The following SESN2 variants were observed in gnomAD, a reference collection of about 807,000 sequenced individuals.
The protein encoded by SESN2 is sestrin-2.
Under a neutral mutation model 56.0 loss-of-function variants are expected in SESN2, and 42 were observed. That is an observed-to-expected ratio of 0.75 (90% CI 0.59 to 0.97). The LOEUF is 0.97. SESN2 is among the 50% of genes least tolerant of loss of function. The probability of loss-of-function intolerance (pLI) is 0.00; values close to 1 mark genes in which losing one functional copy is unlikely to be tolerated. For missense variants in SESN2, 507 were observed against 649.4 expected (o/e 0.78, Z 2.38); for synonymous variants, 264 against 267.1 (o/e 0.99, Z 0.11).
rs1344858238 is a variant in SESN2, at chr1:28,259,742, G to A, written c.-106G>A. The A allele has an allele frequency of 2.7e-5, 23 of 839,350 alleles. No homozygotes were observed. The highest frequency in any genetic ancestry group is 3.9e-5 in the Non-Finnish European group (23 of 590,776). The allele number at this position is 839,350 out of a possible 1,614,324, so 52.0% of individuals were successfully genotyped here. ...CCCCGAGAGACGCCCCGGGGTTCTAGAAGCTCCCCGGCGGCGCCCAGTCCC... is the reference window on the plus strand; with the variant it reads ...CCCCGAGAGACGCCCCGGGGTTCTAAAAGCTCCCCGGCGGCGCCCAGTCCC... On this transcript the variant is annotated 5_prime_UTR_variant, in exon 1 of 10. Coordinates refer to ENST00000253063, the MANE Select transcript of SESN2 (RefSeq NM_031459.5).
Position 28,282,096 on chromosome 1 carries a change from T to C in SESN2, c.*1294T>C, listed in dbSNP as rs1177640903. ...AAGGACCGATTCCAGGCACTTTCTG[T>C]AGCAAATGACTGTGAATTACGACTT... On this transcript the variant is annotated 3_prime_UTR_variant, in exon 10 of 10. Coordinates refer to ENST00000253063, the MANE Select transcript of SESN2 (RefSeq NM_031459.5). 6.6e-6 allele frequency: 1 copy of C among 152,280 alleles called. No individual in the cohort carries two copies. The highest frequency in any genetic ancestry group is 2.4e-5 in the African/African-American group (1 of 41,458). The allele number at this position is 152,280 out of a possible 1,614,324, so 9.4% of individuals were successfully genotyped here.
rs374292473 is a variant in SESN2 at position 28,274,141 on chromosome 1, C to A, written c.1003C>A (p.Pro335Thr). 1 of 1,612,580 alleles carries A rather than the reference C, an allele frequency of 6.2e-7. No homozygotes were observed. ...CACTCGGAGAGGGGCTCAGGCACCCCCTACCTTCCGGGCCCAGGTAGGGCT... is the reference window on the plus strand; with the variant it reads ...CACTCGGAGAGGGGCTCAGGCACCCACTACCTTCCGGGCCCAGGTAGGGCT... ...DFTRRGAQAPPTFRAQDYTWE... is the reference protein window; with the variant it reads ...DFTRRGAQAPTTFRAQDYTWE... The change falls in exon 7 of 10, where the codon CCT (proline) becomes ACT (threonine). Residue 335 changes from proline to threonine, a missense_variant. Pro to Thr is a conservative substitution (Grantham distance 38, BLOSUM62 -1). Coordinates refer to ENST00000253063, the MANE Select transcript of SESN2 (RefSeq NM_031459.5).
intron 1 of SESN2, among the ~76,000 whole-genome samples, chr1:28,265,043 A>G (rs1344962656): frequency 6.6e-6 from 1 of 152,178 alleles, no homozygotes; most frequent in African/African-American, 2.4e-5. Context: ...GCCAGAAGTG[A>G]GTTGACCTCT....
chr1:28,275,214 C>G (rs1320658191), intron 8 of SESN2, among the ~76,000 whole-genome samples, 199 bp downstream of exon 8: 1 of 152,018 alleles, frequency 6.6e-6, no homozygotes, highest in Non-Finnish European at 1.5e-5. Context: ...ATTGCACTCC[C>G]AGAGATAATT....
chr1:28,274,755 C>T lies in SESN2; in HGVS notation c.1021-70C>T. ...AGGAGAATCATGGAGATCCCAGGTCCAGAGGATGGGGGTCTCTCTGGCTGG... is the reference window on the plus strand; with the variant it reads ...AGGAGAATCATGGAGATCCCAGGTCTAGAGGATGGGGGTCTCTCTGGCTGG... On this transcript the variant is annotated intron_variant, in intron 7 of 9. Transcript: ENST00000253063. 2.4e-6 allele frequency: 3 copies of T among 1,235,402 alleles called. No individual in the cohort carries two copies. The East Asian group carries it at 7.0e-5, about 29-fold the overall frequency. The allele number at this position is 1,235,402 out of a possible 1,614,324, so 76.5% of individuals were successfully genotyped here. A position where few individuals can be genotyped will look rare whatever the true frequency, so the allele number is the denominator to read the frequency against.
At chr1:28,278,863 G>A (rs1018725959) in intron 8 of SESN2, among the ~76,000 whole-genome samples, 1 of 152,328 alleles carries the variant, frequency 6.6e-6, no homozygotes, top group African/African-American at 2.4e-5. Flanking sequence ...CACATAGTTG[G>A]TATTCAATAC....
intron 5 of SESN2, 27 bp downstream of exon 5, chr1:28,272,820 G>C: frequency 1.4e-6 from 2 of 1,402,920 alleles, no homozygotes; most frequent in East Asian, 4.6e-5. Context: ...GGTCTTGATC[G>C]GGGAGGAAGC....
rs1302730935 is a variant in SESN2 at position 28,281,927 on chromosome 1, A to G, written c.*1125A>G. 6.6e-6 allele frequency: 1 copy of G among 152,306 alleles called. No homozygotes were observed. The highest frequency in any genetic ancestry group is 2.4e-5 in the African/African-American group (1 of 41,444). 9.4% of individuals were successfully genotyped at this position (152,306 alleles called of 1,614,324 possible). On this transcript the variant is annotated 3_prime_UTR_variant, in exon 10 of 10. Transcript: ENST00000253063. ...TTCTCAGGCCAACCTGCCAACAGCA[A>G]GCGGATTTTCTTGCAAGATCAGGGA...
chr1:28,268,754 C>G (rs1017037015), intron 1 of SESN2, among the ~76,000 whole-genome samples: 11 of 151,706 alleles, frequency 7.3e-5, no homozygotes, highest in Non-Finnish European at 1.5e-4. Flanking sequence ...AAGGAAGGAA[C>G]GAACGAACAT....
At chr1:28,270,699 A>C (rs1370970814) in intron 2 of SESN2, among the ~76,000 whole-genome samples, 1 of 152,010 alleles carries the variant, frequency 6.6e-6, no homozygotes, top group Non-Finnish European at 1.5e-5. Flanking sequence ...AAGCCTCCCG[A>C]GTAGCTGGGA....
At chr1:28,276,564 TC>T (rs1648048030) in intron 8 of SESN2, among the ~76,000 whole-genome samples, 1 of 149,966 alleles carries the variant, frequency 6.7e-6, no homozygotes, top group Non-Finnish European at 1.5e-5. Context: ...CCTGTCTTTT[TC>T]TTTCCTTTTT....
chr1:28,271,552 T>G, intron 2 of SESN2, 122 bp from the exon 3 acceptor site: 1 of 683,408 alleles, frequency 1.5e-6, no homozygotes. Context: ...CCATTCTTTC[T>G]TTTTGGACAC....
chr1:28,269,298 T>C (rs1167877886), intron 2 of SESN2, 50 bp downstream of exon 2: 1 of 1,256,926 alleles, frequency 8.0e-7, no homozygotes, highest in Non-Finnish European at 1.1e-6. Flanking sequence ...AGAAAGGACA[T>C]GGCATATTGG....
At chr1:28,273,318 G>A (rs1647855049) in intron 5 of SESN2, 40 bp from the exon 6 acceptor site, 3 of 1,515,968 alleles carry the variant, frequency 2.0e-6, no homozygotes, top group Admixed American at 4.3e-5. Context: ...AGAGGCTGAA[G>A]GAGGAGGAGT....
Position 28,279,671 on chromosome 1 carries a change from G to T in SESN2, c.1356+430G>T, listed in dbSNP as rs192697128. On this transcript the variant is annotated intron_variant, in intron 9 of 9. Transcript: ENST00000253063. ...AGCGATTCTCCTGCCTCAGCCTCCT[G>T]AGTAGCTGGGACTACAGGCGTGTGC... is the stretch of plus-strand genomic sequence containing the variant. 1.3e-4 allele frequency among the ~76,000 whole-genome samples: 19 copies of T among 150,590 alleles called. No individual in the cohort carries two copies. In the East Asian group the frequency reaches 2.8e-3, roughly 22 times the overall value.
intron 2 of SESN2, among the ~76,000 whole-genome samples, chr1:28,270,368 T>C (rs940393830): frequency 2.7e-5 from 4 of 150,510 alleles, no homozygotes; most frequent in Admixed American, 1.3e-4. Context: ...AAAAAAAAAA[T>C]TTGTTTCCTC....
intron 1 of SESN2, among the ~76,000 whole-genome samples, chr1:28,264,063 T>TAAA (rs747016677): frequency 9.3e-6 from 1 of 107,754 alleles, no homozygotes; most frequent in Non-Finnish European, 2.0e-5. Flanking sequence ...CATCTCTATT[T>TAAA]AAAAAAAAAA....
intron 7 of SESN2, 89 bp from the exon 8 acceptor site, chr1:28,274,732 GAGAA>G: frequency 2.0e-6 from 2 of 981,068 alleles, no homozygotes; most frequent in Middle Eastern, 2.9e-4. Context: ...CACCAGGAAG[GAGAA>G]TCATGGAGAT....
chr1:28,277,099 G>A (rs1338531320), intron 8 of SESN2, among the ~76,000 whole-genome samples: 4 of 151,288 alleles, frequency 2.6e-5, no homozygotes, highest in African/African-American at 9.7e-5. Flanking sequence ...AGCAGAGATG[G>A]GGTTTCAGCC....
Sources: allele counts gnomAD v4.1 joint callset (sites outside exome capture counted in the v4.1 genomes callset), GRCh38; gene constraint gnomAD v4.1.1; transcripts MANE v1.5; gene names NCBI Gene and HGNC (gene_info 2026-07-23, HGNC 2026-07-21).